PTPRD: variants seen among roughly 807,000 people sequenced by gnomAD.
PTPRD encodes protein tyrosine phosphatase receptor type D.
A neutral mutation model predicts 214.5 loss-of-function variants in PTPRD; 34 were observed. That is an observed-to-expected ratio of 0.16 (90% CI 0.12 to 0.21). The LOEUF (loss-of-function observed/expected upper bound fraction) is 0.21, where lower values mean the gene tolerates loss of function less well. Among genes scored for constraint, PTPRD ranks in the 10% least tolerant of loss-of-function variants. The pLI, the probability that PTPRD is intolerant of heterozygous loss-of-function variation, is 1.00. For missense variants in PTPRD, 2,545 were observed against 2,398.7 expected, an observed-to-expected ratio of 1.06 and a Z score of -1.27; for synonymous variants, 1,128 against 845.7, an observed-to-expected ratio of 1.33 and a Z score of -5.79.
intron 5 of PTPRD, among the ~76,000 whole-genome samples, chr9:9,782,265 T>C (rs1217810190): frequency 1.3e-5 from 2 of 152,176 alleles, no homozygotes; most frequent in African/African-American, 4.8e-5. Context: ...TCATAAGATA[T>C]ACTGTCTTAC....
At chr9:8,914,252 A>G (rs971815764) in intron 11 of PTPRD, among the ~76,000 whole-genome samples, 1 of 152,176 alleles carries the variant, frequency 6.6e-6, no homozygotes, top group East Asian at 1.9e-4. Context: ...TTTAAAATAA[A>G]TAAGGAAGAA....
intron 11 of PTPRD, among the ~76,000 whole-genome samples, chr9:8,973,586 T>C (rs756215180): frequency 3.3e-5 from 5 of 152,088 alleles, no homozygotes; most frequent in Admixed American, 2.0e-4. Context: ...TACTCAGTAA[T>C]GGGGTTGCTA....
At chr9:9,510,737 G>C (rs2096683261) in intron 8 of PTPRD, among the ~76,000 whole-genome samples, 1 of 150,796 alleles carries the variant, frequency 6.6e-6, no homozygotes, top group Non-Finnish European at 1.5e-5. Flanking sequence ...ATCTCTTCAG[G>C]CATAATCATG....
chr9:9,445,897 C>T (rs2090231116), intron 8 of PTPRD, among the ~76,000 whole-genome samples: 1 of 152,078 alleles, frequency 6.6e-6, no homozygotes, highest in Non-Finnish European at 1.5e-5. Flanking sequence ...TATGCAAGTT[C>T]AAATGTGTAA....
chr9:10,114,993 T>C (rs1160358782), intron 3 of PTPRD, among the ~76,000 whole-genome samples: 1 of 151,162 alleles, frequency 6.6e-6, no homozygotes, highest in Non-Finnish European at 1.5e-5. Context: ...AAGGGAGGGG[T>C]TCATCAGCTT....
intron 9 of PTPRD, among the ~76,000 whole-genome samples, chr9:9,305,738 G>T (rs985771954): frequency 1.3e-5 from 2 of 152,220 alleles, no homozygotes; most frequent in African/African-American, 4.8e-5. Context: ...GAGAGAGAAA[G>T]ATAGATGTAG....
At chr9:8,389,141 G>T in intron 37 of PTPRD, 91 bp downstream of exon 37, 1 of 1,124,304 alleles carries the variant, frequency 8.9e-7, no homozygotes, top group Non-Finnish European at 1.2e-6. Context: ...AAGCCTTAGG[G>T]AAAGGTTAGA....
chr9:10,290,093 C>G (rs369995425), intron 3 of PTPRD, among the ~76,000 whole-genome samples: 1 of 152,166 alleles, frequency 6.6e-6, no homozygotes, highest in East Asian at 1.9e-4. Context: ...TTTTAATACT[C>G]AAATCATTAT....
At chr9:9,446,773 G>A (rs1463382156) in intron 8 of PTPRD, among the ~76,000 whole-genome samples, 1 of 151,980 alleles carries the variant, frequency 6.6e-6, no homozygotes, top group Non-Finnish European at 1.5e-5. Flanking sequence ...CATTTGACAA[G>A]GGTCTAGTAT....
At chr9:8,863,689 A>G (rs2098145697) in intron 11 of PTPRD, among the ~76,000 whole-genome samples, 1 of 152,192 alleles carries the variant, frequency 6.6e-6, no homozygotes, top group African/African-American at 2.4e-5. Flanking sequence ...AAAAAATAAA[A>G]CTATTGCTAA....
At chr9:8,775,667 A>G (rs1175902951) in intron 11 of PTPRD, among the ~76,000 whole-genome samples, 1 of 152,150 alleles carries the variant, frequency 6.6e-6, no homozygotes, top group African/African-American at 2.4e-5. Context: ...TGTTATCTCA[A>G]TTATAAACCA....
chr9:8,691,022 A>G (rs932240659), intron 12 of PTPRD, among the ~76,000 whole-genome samples: 1 of 152,196 alleles, frequency 6.6e-6, no homozygotes, highest in Non-Finnish European at 1.5e-5. Context: ...CATGTGAAAG[A>G]AAAAATTATC....
chr9:9,747,170 G>A (rs532355709), intron 6 of PTPRD, among the ~76,000 whole-genome samples: 2 of 152,268 alleles, frequency 1.3e-5, no homozygotes, highest in South Asian at 4.1e-4. Context: ...GAGGGAAGAA[G>A]CACTCTGAGC....
chr9:9,094,918 A>C (rs1205966385), intron 10 of PTPRD, among the ~76,000 whole-genome samples: 1 of 152,148 alleles, frequency 6.6e-6, no homozygotes, highest in Non-Finnish European at 1.5e-5. Context: ...TAGATGCACA[A>C]ATTCTCAAAA....
chr9:10,017,110 A>G (rs960019132), intron 4 of PTPRD, among the ~76,000 whole-genome samples: 11 of 152,198 alleles, frequency 7.2e-5, no homozygotes, highest in Non-Finnish European at 1.0e-4. Context: ...TAAAGTTCCC[A>G]ATCATACACA....
intron 2 of PTPRD, among the ~76,000 whole-genome samples, chr9:10,362,541 T>A (rs1216510029): frequency 6.6e-6 from 1 of 152,104 alleles, no homozygotes; most frequent in Non-Finnish European, 1.5e-5. Flanking sequence ...CACACGAATT[T>A]TCTCTACCTC....
At chr9:8,681,758 A>G (rs2097554148) in intron 12 of PTPRD, among the ~76,000 whole-genome samples, 1 of 152,196 alleles carries the variant, frequency 6.6e-6, no homozygotes, top group Admixed American at 6.5e-5. Flanking sequence ...CTTGAATATA[A>G]ATTCATTTCT....
At chr9:9,178,840 G>T (rs1294860101) in intron 10 of PTPRD, among the ~76,000 whole-genome samples, 1 of 152,056 alleles carries the variant, frequency 6.6e-6, no homozygotes, top group East Asian at 1.9e-4. Context: ...ATCCTGCTGA[G>T]CTTTCTTCTT....
chr9:8,528,175 T>C (rs1383935251), intron 15 of PTPRD: 3 of 379,736 alleles, frequency 7.9e-6, no homozygotes, highest in African/African-American at 6.2e-5. Flanking sequence ...TATGAACATT[T>C]TATTTTTTAA....
Sources: allele counts gnomAD v4.1 joint callset (sites outside exome capture counted in the v4.1 genomes callset), GRCh38; gene constraint gnomAD v4.1.1; transcripts MANE v1.5; gene names NCBI Gene and HGNC (gene_info 2026-07-23, HGNC 2026-07-21).